Variants in NALF1 observed in about 807,000 individuals in gnomAD.
NALF1 encodes the protein NALCN channel auxiliary factor 1, also known as family with sequence similarity 155 member A.
Under a neutral mutation model 48.4 loss-of-function variants are expected in NALF1, and 3 were observed. That is an observed-to-expected ratio of 0.06 (90% CI 0.03 to 0.16). The LOEUF (loss-of-function observed/expected upper bound fraction) is 0.16, where lower values mean the gene tolerates loss of function less well. Ranked by LOEUF, NALF1 falls within the 10% of genes least tolerant of loss-of-function variation. The probability of loss-of-function intolerance (pLI) is 1.00; values close to 1 mark genes in which losing one functional copy is unlikely to be tolerated. For synonymous variants in NALF1, 262 were observed against 245.7 expected (o/e 1.07, Z -0.62); for missense variants, 526 against 571.5 (o/e 0.92, Z 0.81).
At chr13:107,291,663 C>T (rs993302206) in intron 1 of NALF1, among the ~76,000 whole-genome samples, 1 of 152,096 alleles carries the variant, frequency 6.6e-6, no homozygotes, top group African/African-American at 2.4e-5. Flanking sequence ...AAACTCCCCT[C>T]TGATATGATT....
intron 1 of NALF1, among the ~76,000 whole-genome samples, chr13:107,794,471 G>GTTTT (rs10649905): frequency 1.5e-4 from 21 of 142,854 alleles, no homozygotes; most frequent in African/African-American, 4.9e-4. Context: ...AGCATGCAGT[G>GTTTT]TTTTTTTTTT....
chr13:107,785,365 C>T (rs1419827919), intron 1 of NALF1, among the ~76,000 whole-genome samples: 3 of 152,078 alleles, frequency 2.0e-5, no homozygotes, highest in Non-Finnish European at 4.4e-5. Context: ...GAATACTACT[C>T]AGCCATAAAA....
chr13:107,487,353 T>G lies in NALF1; in HGVS notation c.916-276598A>C, dbSNP rs1323352227. Among the ~76,000 whole-genome samples, 3 of 152,158 alleles carry G rather than the reference T, an allele frequency of 2.0e-5. No individual in the cohort carries two copies. The East Asian group carries it at 5.8e-4, about 29-fold the overall frequency. On this transcript the variant is annotated intron_variant, in intron 1 of 2. Coordinates refer to ENST00000375915, the MANE Select transcript of NALF1 (RefSeq NM_001080396.3). ...AGTGTCAGGGCATATCTTATTCTTC[T>G]GGATGATGAATATATTGTTGATAAG...
intron 1 of NALF1, among the ~76,000 whole-genome samples, chr13:107,499,649 G>T (rs183915426): frequency 6.6e-6 from 1 of 152,120 alleles, no homozygotes; most frequent in Non-Finnish European, 1.5e-5. Context: ...GTATCATTCT[G>T]CAAATTAAGG....
chr13:107,601,309 A>C (rs1412241124), intron 1 of NALF1, among the ~76,000 whole-genome samples: 2 of 152,170 alleles, frequency 1.3e-5, no homozygotes, highest in African/African-American at 4.8e-5. Flanking sequence ...AGAACACTTA[A>C]ACGCAAATTT....
chr13:107,609,341 C>T (rs1018155870), intron 1 of NALF1, among the ~76,000 whole-genome samples: 39 of 152,192 alleles, frequency 2.6e-4, no homozygotes, highest in African/African-American at 9.2e-4. Context: ...AGCTACCACC[C>T]TAGCTTCATC....
intron 2 of NALF1, among the ~76,000 whole-genome samples, chr13:107,207,633 C>A (rs1483677217): frequency 6.6e-6 from 1 of 152,114 alleles, no homozygotes; most frequent in Non-Finnish European, 1.5e-5. Context: ...TTGCTCAGGT[C>A]CAGCAGTGCA....
At chr13:107,696,664 CTTATA>C (rs767432040) in intron 1 of NALF1, among the ~76,000 whole-genome samples, 21 of 151,586 alleles carry the variant, frequency 1.4e-4, no homozygotes, top group Non-Finnish European at 2.9e-4. Context: ...ATGTTGGGGA[CTTATA>C]TTAGGTAGTG....
chr13:107,739,726 A>G (rs2138543078), intron 1 of NALF1, among the ~76,000 whole-genome samples: 1 of 152,300 alleles, frequency 6.6e-6, no homozygotes, highest in Non-Finnish European at 1.5e-5. Flanking sequence ...GCAGCAGGTG[A>G]GCAGTGGGTG....
chr13:107,189,382 A>C (rs915084486), intron 2 of NALF1, among the ~76,000 whole-genome samples: 2 of 152,196 alleles, frequency 1.3e-5, no homozygotes, highest in Admixed American at 1.3e-4. Context: ...AGAAGAAAAA[A>C]ATGGACAAAG....
intron 1 of NALF1, among the ~76,000 whole-genome samples, chr13:107,232,617 C>T (rs1473914931): frequency 1.3e-5 from 2 of 152,106 alleles, no homozygotes; most frequent in Non-Finnish European, 2.9e-5. Context: ...TTAGAATTTC[C>T]GATATCACAT....
intron 1 of NALF1, among the ~76,000 whole-genome samples, chr13:107,276,026 T>A (rs1293824578): frequency 1.3e-5 from 2 of 152,106 alleles, no homozygotes; most frequent in East Asian, 1.9e-4. Flanking sequence ...ATAGGGCTGA[T>A]CCCAACTCCC....
intron 1 of NALF1, among the ~76,000 whole-genome samples, chr13:107,365,797 G>C (rs1024205103): frequency 6.6e-6 from 1 of 152,080 alleles, no homozygotes; most frequent in African/African-American, 2.4e-5. Flanking sequence ...CAACATTATC[G>C]ACTTAGCAAA....
intron 1 of NALF1, among the ~76,000 whole-genome samples, chr13:107,583,543 G>A (rs1878372584): frequency 6.6e-6 from 1 of 152,136 alleles, no homozygotes; most frequent in Non-Finnish European, 1.5e-5. Context: ...TGGCTATTGT[G>A]ATTTTAAGAC....
intron 1 of NALF1, among the ~76,000 whole-genome samples, chr13:107,697,050 G>A (rs1881716571): frequency 1.3e-5 from 2 of 151,702 alleles, no homozygotes; most frequent in Admixed American, 6.6e-5. Context: ...CAATTACAAG[G>A]CATAAAAAAA....
chr13:107,713,148 G>T (rs1302564807), intron 1 of NALF1, among the ~76,000 whole-genome samples: 4 of 152,142 alleles, frequency 2.6e-5, no homozygotes, highest in Admixed American at 2.0e-4. Context: ...ATTTTCTTCG[G>T]AAGTAGCTCT....
chr13:107,706,663 A>G (rs1482661363), intron 1 of NALF1, among the ~76,000 whole-genome samples: 2 of 152,236 alleles, frequency 1.3e-5, no homozygotes, highest in Non-Finnish European at 2.9e-5. Context: ...TTTTTTAAAT[A>G]GAATGTAAGC....
chr13:107,437,357 ATGTCCTT>A (rs572960281), intron 1 of NALF1, among the ~76,000 whole-genome samples: 130 of 152,340 alleles, frequency 8.5e-4, no homozygotes, highest in Non-Finnish European at 1.3e-3. Context: ...AAACATATTC[ATGTCCTT>A]TGACTCAGTT....
intron 1 of NALF1, among the ~76,000 whole-genome samples, chr13:107,521,375 C>T (rs1186152358): frequency 6.6e-6 from 1 of 152,156 alleles, no homozygotes; most frequent in African/African-American, 2.4e-5. Flanking sequence ...CAATTGATTT[C>T]TTAGTGTAAT....
Sources: gnomAD v4.1 joint callset for allele counts (sites outside exome capture counted in the v4.1 genomes callset) on GRCh38, gnomAD v4.1.1 for gene constraint, MANE v1.5 for transcripts, NCBI Gene and HGNC (gene_info 2026-07-23, HGNC 2026-07-21) for gene names.